Variants in RIMS1 observed in about 807,000 individuals in gnomAD.
RIMS1 encodes the protein regulating synaptic membrane exocytosis 1.
A neutral mutation model predicts 214.1 loss-of-function variants in RIMS1; 83 were observed. The observed-to-expected ratio is 0.39, with a 90% CI of 0.32 to 0.47. RIMS1 has a LOEUF of 0.47. Ranked by LOEUF, RIMS1 falls within the 20% of genes least tolerant of loss-of-function variation. The probability of loss-of-function intolerance (pLI) is 0.99; values close to 1 mark genes in which losing one functional copy is unlikely to be tolerated. For missense variants in RIMS1, 2,050 were observed against 2,161.8 expected (o/e 0.95, Z 1.03); for synonymous variants, 793 against 786.8 (o/e 1.01, Z -0.13).
rs538271368 is a variant in RIMS1, at chr6:72,192,966, C to T, written c.1678+9817C>T. On this transcript the variant is annotated intron_variant, in intron 6 of 33. Coordinates refer to ENST00000521978, the MANE Select transcript of RIMS1 (RefSeq NM_014989.7). Reference sequence around the variant, plus strand: ...ACACACCCAGAATAATGCTTTGCATCCTTCAATCCAATAAAGTTAACACTC... The same window carrying T: ...ACACACCCAGAATAATGCTTTGCATTCTTCAATCCAATAAAGTTAACACTC... Among the ~76,000 whole-genome samples, 7 of 152,322 alleles carry T rather than the reference C, an allele frequency of 4.6e-5. 1 individual carries two copies. The South Asian group carries it at 1.4e-3, about 32-fold the overall frequency.
At chr6:72,250,804 A>C in intron 13 of RIMS1, 117 bp from the exon 14 acceptor site, 1 of 613,466 alleles carries the variant, frequency 1.6e-6, no homozygotes, top group Non-Finnish European at 2.8e-6. Context: ...CTTTTTATAG[A>C]CTTTCCATGA....
At chr6:72,084,012 A>G (rs930532775) in intron 2 of RIMS1, among the ~76,000 whole-genome samples, 7 of 152,198 alleles carry the variant, frequency 4.6e-5, no homozygotes, top group Non-Finnish European at 7.4e-5. Flanking sequence ...TGGTGAAGAT[A>G]GTCAACAACA....
At chr6:72,038,824 T>C (rs1043175613) in intron 2 of RIMS1, among the ~76,000 whole-genome samples, 1 of 152,118 alleles carries the variant, frequency 6.6e-6, no homozygotes, top group African/African-American at 2.4e-5. Context: ...GGCTCTTATG[T>C]GGTTTGTGTT....
At chr6:72,215,211 A>G (rs141194979) in intron 6 of RIMS1, among the ~76,000 whole-genome samples, 76 of 152,294 alleles carry the variant, frequency 5.0e-4, no homozygotes, top group African/African-American at 1.8e-3. Context: ...CCATATCATA[A>G]TGGAAGCAAC....
intron 29 of RIMS1, among the ~76,000 whole-genome samples, chr6:72,349,391 A>G (rs921642480): frequency 2.0e-5 from 3 of 152,062 alleles, no homozygotes; most frequent in African/African-American, 7.2e-5. Flanking sequence ...GAAAGTTTCA[A>G]CTGAAAGAGA....
chr6:72,080,825 C>A (rs1833195766), intron 2 of RIMS1, among the ~76,000 whole-genome samples: 2 of 152,120 alleles, frequency 1.3e-5, no homozygotes, highest in Admixed American at 6.6e-5. Flanking sequence ...TTGGTGAAGC[C>A]TTCTCTAACT....
intron 19 of RIMS1, chr6:72,261,135 A>T: frequency 9.3e-7 from 1 of 1,072,930 alleles, no homozygotes; most frequent in Non-Finnish European, 1.1e-6. Context: ...TAATCTGTGT[A>T]TGGCAGTGTC....
intron 2 of RIMS1, among the ~76,000 whole-genome samples, chr6:72,019,098 T>C (rs1336601936): frequency 6.6e-6 from 1 of 152,218 alleles, no homozygotes. Context: ...TCTTACTATA[T>C]TTTCATACTA....
intron 26 of RIMS1, among the ~76,000 whole-genome samples, chr6:72,302,901 G>A (rs987623299): frequency 2.0e-5 from 3 of 147,978 alleles, no homozygotes; most frequent in Non-Finnish European, 4.4e-5. Flanking sequence ...AAAATATTAG[G>A]AGGTTTAACA....
chr6:72,361,917 C>T (rs757502991), intron 29 of RIMS1, among the ~76,000 whole-genome samples: 2 of 152,174 alleles, frequency 1.3e-5, no homozygotes, highest in Non-Finnish European at 2.9e-5. Context: ...CATAGCATAA[C>T]ATGTTCATAG....
At chr6:71,992,950 C>T (rs1265866370) in intron 2 of RIMS1, among the ~76,000 whole-genome samples, 1 of 152,170 alleles carries the variant, frequency 6.6e-6, no homozygotes, top group African/African-American at 2.4e-5. Flanking sequence ...TGTGAGCCAC[C>T]ATGTCTGGCC....
intron 1 of RIMS1, among the ~76,000 whole-genome samples, chr6:71,893,608 A>G (rs1210861740): frequency 1.3e-5 from 2 of 152,172 alleles, no homozygotes; most frequent in Non-Finnish European, 2.9e-5. Context: ...CCATTGAGTG[A>G]TGTAATAAAT....
chr6:72,069,531 T>C (rs1256673044), intron 2 of RIMS1, among the ~76,000 whole-genome samples: 1 of 152,226 alleles, frequency 6.6e-6, no homozygotes, highest in Non-Finnish European at 1.5e-5. Flanking sequence ...GTCTCAGGAT[T>C]TTAAAAACTG....
intron 16 of RIMS1, among the ~76,000 whole-genome samples, chr6:72,257,359 G>C (rs183045134): frequency 6.8e-4 from 103 of 151,778 alleles, no homozygotes; most frequent in Non-Finnish European, 9.0e-4. Flanking sequence ...TTTTACTTCA[G>C]GGAAAAAGTG....
chr6:72,338,123 G>T (rs1415399900), intron 29 of RIMS1, among the ~76,000 whole-genome samples: 3 of 151,646 alleles, frequency 2.0e-5, no homozygotes, highest in Non-Finnish European at 2.9e-5. Context: ...GGATGGCTGG[G>T]TCAAATGGTA....
intron 4 of RIMS1, among the ~76,000 whole-genome samples, chr6:72,123,798 T>C (rs1367380354): frequency 6.6e-6 from 1 of 151,886 alleles, no homozygotes; most frequent in African/African-American, 2.4e-5. Context: ...TTGCAACCCC[T>C]GCTTTTTTTT....
intron 1 of RIMS1, among the ~76,000 whole-genome samples, chr6:71,931,997 G>A (rs1783185740): frequency 6.6e-6 from 1 of 151,994 alleles, no homozygotes; most frequent in Non-Finnish European, 1.5e-5. Context: ...GCAAGGTTGT[G>A]GATAAAAAGG....
At chr6:72,185,571 G>A (rs1213603044) in intron 6 of RIMS1, among the ~76,000 whole-genome samples, 1 of 152,192 alleles carries the variant, frequency 6.6e-6, no homozygotes, top group East Asian at 1.9e-4. Flanking sequence ...GGTAAAAGAA[G>A]CAGTGCCAGA....
intron 16 of RIMS1, among the ~76,000 whole-genome samples, chr6:72,256,777 C>T (rs1365902216): frequency 6.6e-6 from 1 of 150,754 alleles, no homozygotes; most frequent in African/African-American, 2.4e-5. Flanking sequence ...ATTATAATTT[C>T]TAGTCTTAAA....
Sources: allele counts gnomAD v4.1 joint callset (sites outside exome capture counted in the v4.1 genomes callset), GRCh38; gene constraint gnomAD v4.1.1; transcripts MANE v1.5; gene names NCBI Gene and HGNC (gene_info 2026-07-23, HGNC 2026-07-21).